TFEC: variants seen among roughly 807,000 people sequenced by gnomAD.
TFEC encodes the protein transcription factor EC, also known as class E basic helix-loop-helix protein 34.
A neutral mutation model predicts 41.6 loss-of-function variants in TFEC; 31 were observed. The ratio of observed to expected loss-of-function variants is 0.74; its 90% confidence interval spans 0.56 to 1.01. TFEC has a LOEUF of 1.01. TFEC is among the 50% of genes least tolerant of loss of function. The probability of loss-of-function intolerance (pLI) is 0.00; values close to 1 mark genes in which losing one functional copy is unlikely to be tolerated. For missense variants in TFEC, 402 were observed against 404.1 expected (o/e 0.99, Z 0.04); for synonymous variants, 143 against 140.6 (o/e 1.02, Z -0.12).
At chr7:116,003,610 A>G (rs1794681617) in intron 1 of TFEC, among the ~76,000 whole-genome samples, 1 of 152,128 alleles carries the variant, frequency 6.6e-6, no homozygotes, top group Admixed American at 6.5e-5. Context: ...GGAGATAGTT[A>G]AAGACAACAA....
chr7:115,977,151 G>C (rs1439325316), intron 2 of TFEC, among the ~76,000 whole-genome samples: 1 of 151,972 alleles, frequency 6.6e-6, no homozygotes, highest in East Asian at 1.9e-4. Flanking sequence ...GAATCCATTT[G>C]TTATTTTAAA....
chr7:116,046,458 G>A (rs10953798), intron 3 of TFEC, among the ~76,000 whole-genome samples: 1 of 151,862 alleles, frequency 6.6e-6, no homozygotes, highest in Non-Finnish European at 1.5e-5. Context: ...CTCTTGCTGC[G>A]TTTCCCCTCT....
chr7:116,092,716 C>A lies in TFEC; in HGVS notation c.198+17992G>T, dbSNP rs185419529. On this transcript the variant is annotated intron_variant, in intron 3 of 8. Transcript: ENST00000484212. Reference sequence around the variant, plus strand: ...ATTAATTTGTTTGGGCATTCTCCACCAACTACACAAGGCATATTTCTGAGA... The same window carrying A: ...ATTAATTTGTTTGGGCATTCTCCACAAACTACACAAGGCATATTTCTGAGA... 3.9e-5 allele frequency among the ~76,000 whole-genome samples: 6 copies of A among 152,174 alleles called. No homozygotes were observed. In the East Asian group the frequency reaches 1.2e-3, roughly 29 times the overall value.
At chr7:116,071,833 T>A (rs1039745242) in intron 3 of TFEC, among the ~76,000 whole-genome samples, 1 of 151,498 alleles carries the variant, frequency 6.6e-6, no homozygotes, top group Non-Finnish European at 1.5e-5. Flanking sequence ...AAATATCATA[T>A]CAAAACTGAA....
At chr7:116,072,479 G>C (rs1275458367) in intron 3 of TFEC, among the ~76,000 whole-genome samples, 1 of 151,614 alleles carries the variant, frequency 6.6e-6, no homozygotes, top group African/African-American at 2.4e-5. Flanking sequence ...CACAGACATG[G>C]AGTTATTCTA....
chr7:115,959,838 A>C (rs2130462355), intron 3 of TFEC, among the ~76,000 whole-genome samples: 1 of 151,736 alleles, frequency 6.6e-6, no homozygotes, highest in African/African-American at 2.4e-5. Context: ...AACATATGAA[A>C]GAACACCTAA....
chr7:115,951,364 G>A (rs1477320579), intron 5 of TFEC, among the ~76,000 whole-genome samples: 1 of 151,972 alleles, frequency 6.6e-6, no homozygotes, highest in Admixed American at 6.6e-5. Flanking sequence ...AAAGCCTAAC[G>A]CAATGTTTAG....
intron 1 of TFEC, among the ~76,000 whole-genome samples, chr7:115,996,404 G>A (rs1794368783): frequency 6.6e-6 from 1 of 151,998 alleles, no homozygotes. Flanking sequence ...ATTAGACCCT[G>A]GGCCCTGAAT....
intron 6 of TFEC, among the ~76,000 whole-genome samples, chr7:115,947,009 C>T (rs1169939747): frequency 4.0e-5 from 6 of 150,536 alleles, no homozygotes; most frequent in East Asian, 2.0e-4. Flanking sequence ...CATGCTGGTG[C>T]GCTGCACCCA....
intron 3 of TFEC, among the ~76,000 whole-genome samples, chr7:116,083,401 T>C (rs1797133880): frequency 6.6e-6 from 1 of 151,956 alleles, no homozygotes; most frequent in Admixed American, 6.6e-5. Context: ...ATTCAGCTTA[T>C]TAAATTAGAA....
At chr7:116,047,212 C>A (rs557338267) in intron 3 of TFEC, among the ~76,000 whole-genome samples, 1 of 152,232 alleles carries the variant, frequency 6.6e-6, no homozygotes, top group East Asian at 1.9e-4. Flanking sequence ...CATCACCTCA[C>A]CCGGGAAGTG....
At chr7:115,953,015 C>T (rs1300176757) in intron 5 of TFEC, among the ~76,000 whole-genome samples, 1 of 152,088 alleles carries the variant, frequency 6.6e-6, no homozygotes, top group Non-Finnish European at 1.5e-5. Context: ...CTCCTGAAGA[C>T]AGAACATGAC....
At chr7:116,067,023 C>G (rs1037064264) in intron 3 of TFEC, among the ~76,000 whole-genome samples, 4 of 151,884 alleles carry the variant, frequency 2.6e-5, no homozygotes, top group African/African-American at 9.7e-5. Flanking sequence ...AGTATCAAAT[C>G]AGTTTTTATA....
intron 4 of TFEC, among the ~76,000 whole-genome samples, chr7:115,956,284 GCATA>G (rs1792221768): frequency 6.7e-6 from 1 of 149,990 alleles, no homozygotes; most frequent in Non-Finnish European, 1.5e-5. Flanking sequence ...ATCAAATTCT[GCATA>G]CAAAGAATAG....
intron 3 of TFEC, among the ~76,000 whole-genome samples, chr7:116,085,112 G>C (rs1023942871): frequency 6.6e-6 from 1 of 151,888 alleles, no homozygotes; most frequent in Non-Finnish European, 1.5e-5. Flanking sequence ...AGAAGGAACA[G>C]CATATGCAAA....
Position 115,956,812 on chromosome 7 carries a change from G to T in TFEC, c.268-19C>A. 6.7e-7 allele frequency: 1 copy of T among 1,494,288 alleles called. No individual in the cohort carries two copies. Among genetic ancestry groups the T allele is most frequent in the Non-Finnish European group, 9.1e-7 (1 of 1,102,490 alleles). 92.6% of individuals were successfully genotyped at this position (1,494,288 alleles called of 1,614,324 possible). A position where few individuals can be genotyped will look rare whatever the true frequency, so the allele number is the denominator to read the frequency against. ...CAGATAACTTGAGAGGAAAAAGGAA[G>T]AAAAGATTAATAAAAACCTTCTGTG... On this transcript the variant is annotated intron_variant, in intron 3 of 7. Transcript: ENST00000265440.
chr7:115,947,217 A>G (rs1351560975), intron 6 of TFEC, among the ~76,000 whole-genome samples: 3 of 151,156 alleles, frequency 2.0e-5, no homozygotes, highest in African/African-American at 7.3e-5. Flanking sequence ...GATGATTTCC[A>G]ATTTCATCCA....
chr7:116,017,013 C>A (rs1200161223), intron 1 of TFEC, among the ~76,000 whole-genome samples: 2 of 152,176 alleles, frequency 1.3e-5, no homozygotes, highest in African/African-American at 4.8e-5. Flanking sequence ...TAACCTGCAA[C>A]TATGTCTCAA....
intron 1 of TFEC, among the ~76,000 whole-genome samples, chr7:116,140,339 A>G (rs1378416898): frequency 6.6e-6 from 1 of 152,208 alleles, no homozygotes; most frequent in African/African-American, 2.4e-5. Context: ...GAATAGAGCC[A>G]ATTTAATCTA....
Sources: allele counts gnomAD v4.1 joint callset (sites outside exome capture counted in the v4.1 genomes callset), GRCh38; gene constraint gnomAD v4.1.1; transcripts MANE v1.5; gene names NCBI Gene and HGNC (gene_info 2026-07-23, HGNC 2026-07-21).